Variants in PLCL1 observed in about 807,000 individuals in gnomAD.
PLCL1 encodes inactive phospholipase C-like protein 1.
Under a neutral mutation model 84.4 loss-of-function variants are expected in PLCL1, and 41 were observed. The observed-to-expected ratio is 0.49, with a 90% CI of 0.38 to 0.63. The LOEUF is 0.63. PLCL1 is among the 30% of genes least tolerant of loss of function. The pLI is 0.00. For synonymous variants in PLCL1, 490 were observed against 488.3 expected, an observed-to-expected ratio of 1.00 and a Z score of -0.05; for missense variants, 1,206 against 1,367.8, an observed-to-expected ratio of 0.88 and a Z score of 1.87.
intron 1 of PLCL1, among the ~76,000 whole-genome samples, chr2:197,817,116 C>G (rs1359309839): frequency 6.6e-6 from 1 of 152,072 alleles, no homozygotes; most frequent in East Asian, 1.9e-4. Context: ...TTTTAATTAT[C>G]TATCTGAAGT....
intron 5 of PLCL1, among the ~76,000 whole-genome samples, chr2:198,122,798 A>T (rs1009128015): frequency 6.6e-6 from 1 of 152,142 alleles, no homozygotes; most frequent in African/African-American, 2.4e-5. Context: ...ACAAATAATC[A>T]CTTATAGTTA....
intron 1 of PLCL1, among the ~76,000 whole-genome samples, chr2:198,055,984 GA>G (rs1026697687): frequency 1.3e-5 from 2 of 152,070 alleles, no homozygotes; most frequent in African/African-American, 4.8e-5. Context: ...AAGTAGGAAA[GA>G]AAAATAATTG....
At chr2:197,860,131 G>A (rs570192631) in intron 1 of PLCL1, among the ~76,000 whole-genome samples, 1 of 151,924 alleles carries the variant, frequency 6.6e-6, no homozygotes, top group East Asian at 1.9e-4. Flanking sequence ...GTGGTATGTG[G>A]TTTTCTATGC....
intron 1 of PLCL1, among the ~76,000 whole-genome samples, chr2:198,038,459 A>G (rs1364337788): frequency 6.6e-6 from 1 of 152,180 alleles, no homozygotes; most frequent in Non-Finnish European, 1.5e-5. Context: ...GGCTGGGAAC[A>G]AAGTTTACTA....
At chr2:197,932,069 T>G (rs1167478504) in intron 1 of PLCL1, among the ~76,000 whole-genome samples, 1 of 152,158 alleles carries the variant, frequency 6.6e-6, no homozygotes, top group African/African-American at 2.4e-5. Context: ...AAACTGCCAA[T>G]TTCTCAGTTT....
At chr2:198,010,982 T>G (rs1161408651) in intron 1 of PLCL1, among the ~76,000 whole-genome samples, 3 of 151,790 alleles carry the variant, frequency 2.0e-5, no homozygotes, top group African/African-American at 7.2e-5. Flanking sequence ...CTTTTTTCTT[T>G]TCTAATTTTA....
intron 3 of PLCL1, among the ~76,000 whole-genome samples, chr2:198,093,898 G>C (rs1322516799): frequency 1.3e-5 from 2 of 151,976 alleles, no homozygotes; most frequent in African/African-American, 4.8e-5. Context: ...CACTGACCCT[G>C]AGTTCATCTG....
At chr2:197,904,211 A>G (rs73056818) in intron 1 of PLCL1, among the ~76,000 whole-genome samples, 1,839 of 152,310 alleles carry the variant, frequency 0.012, 38 homozygotes, top group African/African-American at 0.042. Context: ...AACATCAGAC[A>G]GTCAGTTTAG....
intron 1 of PLCL1, among the ~76,000 whole-genome samples, chr2:197,880,669 A>AT (rs1351572831): frequency 5.9e-5 from 9 of 152,198 alleles, no homozygotes; most frequent in African/African-American, 2.2e-4. Flanking sequence ...GAACAACATT[A>AT]TGTATAGGAG....
chr2:197,936,455 T>G lies in PLCL1; in HGVS notation c.240+131116T>G, dbSNP rs143768149. On this transcript the variant is annotated intron_variant, in intron 1 of 5. Coordinates refer to ENST00000428675, the MANE Select transcript of PLCL1 (RefSeq NM_006226.4). ...TTGACAATAACTATTCTAATGGGCA[T>G]GAGGTAATATCTTATTTTGGTTTAA... Among the ~76,000 whole-genome samples the G allele has an allele frequency of 8.2e-4, 125 of 152,268 alleles. 1 individual carries two copies. The East Asian group carries it at 0.022, about 26-fold the overall frequency.
At chr2:197,926,274 T>C (rs1458910894) in intron 1 of PLCL1, among the ~76,000 whole-genome samples, 2 of 152,182 alleles carry the variant, frequency 1.3e-5, no homozygotes, top group Non-Finnish European at 2.9e-5. Context: ...GAATAAGTAG[T>C]GACACATAGA....
intron 1 of PLCL1, among the ~76,000 whole-genome samples, chr2:198,044,757 A>G (rs1013808504): frequency 9.9e-5 from 15 of 152,206 alleles, no homozygotes; most frequent in Middle Eastern, 3.2e-3. Flanking sequence ...CTTCCTGGAG[A>G]TAGTCACTCT....
chr2:197,972,426 T>C (rs1689888526), intron 1 of PLCL1, among the ~76,000 whole-genome samples: 1 of 152,184 alleles, frequency 6.6e-6, no homozygotes, highest in African/African-American at 2.4e-5. Context: ...CCCCAAGAGA[T>C]GCGACCTTGT....
intron 5 of PLCL1, among the ~76,000 whole-genome samples, chr2:198,115,920 T>A (rs1346482713): frequency 6.7e-6 from 1 of 148,478 alleles, no homozygotes; most frequent in Non-Finnish European, 1.5e-5. Flanking sequence ...TAAAAAATTT[T>A]TATGAAATAT....
At chr2:198,018,463 C>G (rs1691053271) in intron 1 of PLCL1, among the ~76,000 whole-genome samples, 1 of 152,174 alleles carries the variant, frequency 6.6e-6, no homozygotes, top group Admixed American at 6.5e-5. Context: ...TGGAACCCAT[C>G]AAGCTGAGAT....
intron 1 of PLCL1, among the ~76,000 whole-genome samples, chr2:198,059,279 A>G (rs1018934280): frequency 4.6e-5 from 7 of 152,250 alleles, no homozygotes; most frequent in African/African-American, 1.7e-4. Context: ...GAGTTGATAC[A>G]TATGAAAAGT....
At chr2:197,817,989 T>C (rs1353949481) in intron 1 of PLCL1, among the ~76,000 whole-genome samples, 1 of 152,090 alleles carries the variant, frequency 6.6e-6, no homozygotes, top group Non-Finnish European at 1.5e-5. Context: ...AAAGCTCTTT[T>C]GAGTCTGAAG....
chr2:198,124,709 T>C (rs535592775), intron 5 of PLCL1, among the ~76,000 whole-genome samples: 4 of 152,078 alleles, frequency 2.6e-5, no homozygotes, highest in Non-Finnish European at 5.9e-5. Flanking sequence ...TCTATGAACA[T>C]GATAGAAGCA....
At chr2:197,856,921 G>T (rs1339222445) in intron 1 of PLCL1, among the ~76,000 whole-genome samples, 1 of 151,718 alleles carries the variant, frequency 6.6e-6, no homozygotes, top group Non-Finnish European at 1.5e-5. Context: ...TTTCAAAGTG[G>T]TCTAACTTTA....
Sources: allele counts gnomAD v4.1 joint callset (sites outside exome capture counted in the v4.1 genomes callset), GRCh38; gene constraint gnomAD v4.1.1; transcripts MANE v1.5; gene names NCBI Gene and HGNC (gene_info 2026-07-23, HGNC 2026-07-21).